TRHDE: variants seen among roughly 807,000 people sequenced by gnomAD.
TRHDE encodes thyrotropin releasing hormone degrading enzyme, also known as thyrotropin-releasing hormone-degrading ectoenzyme.
A neutral mutation model predicts 125.7 loss-of-function variants in TRHDE; 72 were observed. That is an observed-to-expected ratio of 0.57 (90% CI 0.47 to 0.70). The LOEUF (loss-of-function observed/expected upper bound fraction) is 0.70, where lower values mean the gene tolerates loss of function less well. Ranked by LOEUF, TRHDE falls within the 30% of genes least tolerant of loss-of-function variation. TRHDE has a pLI of 0.00. For missense variants in TRHDE, 1,110 were observed against 1,327.1 expected (o/e 0.84, Z 2.54); for synonymous variants, 509 against 509.1 (o/e 1.00, Z 0.00).
chr12:72,601,248 A>C (rs187853570), intron 12 of TRHDE, among the ~76,000 whole-genome samples: 82 of 152,254 alleles, frequency 5.4e-4, no homozygotes, highest in Admixed American at 1.3e-3. Context: ...TAGAAATAGC[A>C]AGAGAAATAG....
chr12:72,175,742 T>G (rs1876973302), intron 2 of TRHDE, among the ~76,000 whole-genome samples: 1 of 152,218 alleles, frequency 6.6e-6, no homozygotes, highest in Non-Finnish European at 1.5e-5. Flanking sequence ...AATGCAAATA[T>G]TACTAAGGTA....
At chr12:72,438,125 C>T (rs1874827755) in intron 3 of TRHDE, among the ~76,000 whole-genome samples, 1 of 151,672 alleles carries the variant, frequency 6.6e-6, no homozygotes, top group Admixed American at 6.6e-5. Flanking sequence ...TTTTATACGG[C>T]CGAATAGTAT....
At chr12:72,519,407 G>A (rs539643444) in intron 6 of TRHDE, among the ~76,000 whole-genome samples, 6 of 151,562 alleles carry the variant, frequency 4.0e-5, no homozygotes, top group Non-Finnish European at 7.4e-5. Context: ...ATCTTCCATC[G>A]CTGAACCCTT....
intron 4 of TRHDE, among the ~76,000 whole-genome samples, chr12:72,471,555 G>A (rs1243805614): frequency 2.0e-5 from 3 of 152,120 alleles, no homozygotes; most frequent in African/African-American, 7.2e-5. Context: ...CCAGAAGCTA[G>A]GAGAAACACT....
At chr12:72,506,020 C>A (rs190593254) in intron 6 of TRHDE, among the ~76,000 whole-genome samples, 1 of 152,142 alleles carries the variant, frequency 6.6e-6, no homozygotes, top group African/African-American at 2.4e-5. Flanking sequence ...GCAACCCAGC[C>A]GGGCATGATG....
At chr12:72,255,285 C>T (rs1484692058) in intron 2 of TRHDE, 2 of 152,352 alleles carry the variant, frequency 1.3e-5, no homozygotes, top group East Asian at 3.9e-4. Flanking sequence ...CCACAAGGAA[C>T]AGGAGTCTGA....
At chr12:72,329,267 G>A (rs1869474032) in intron 2 of TRHDE, among the ~76,000 whole-genome samples, 1 of 152,214 alleles carries the variant, frequency 6.6e-6, no homozygotes, top group South Asian at 2.1e-4. Context: ...TGAATAAACA[G>A]TAGTGGGTGA....
At chr12:72,222,912 C>T (rs1216910750) in intron 2 of TRHDE, among the ~76,000 whole-genome samples, 2 of 152,070 alleles carry the variant, frequency 1.3e-5, no homozygotes, top group Non-Finnish European at 2.9e-5. Context: ...TGCCATCTGA[C>T]CCCTTAAAAA....
chr12:72,133,647 TAG>T (rs1875916831), intron 2 of TRHDE, among the ~76,000 whole-genome samples: 1 of 151,514 alleles, frequency 6.6e-6, no homozygotes, highest in Admixed American at 6.6e-5. Flanking sequence ...ATGACTGATA[TAG>T]AGGTCCATCA....
intron 2 of TRHDE, among the ~76,000 whole-genome samples, chr12:72,235,192 C>T (rs1161526365): frequency 3.3e-5 from 5 of 152,150 alleles, no homozygotes; most frequent in Non-Finnish European, 4.4e-5. Context: ...AATATAGAAA[C>T]CATCATGTTC....
At chr12:72,128,829 T>A (rs922511891) in intron 2 of TRHDE, among the ~76,000 whole-genome samples, 6 of 152,112 alleles carry the variant, frequency 3.9e-5, no homozygotes, top group African/African-American at 1.2e-4. Flanking sequence ...AATTCGGGTC[T>A]CTAAAGTAAA....
intron 2 of TRHDE, among the ~76,000 whole-genome samples, chr12:72,126,184 A>C (rs189527862): frequency 6.6e-6 from 1 of 152,186 alleles, no homozygotes; most frequent in Non-Finnish European, 1.5e-5. Context: ...AAGGAAAACT[A>C]CAAAACACTG....
chr12:72,365,185 A>C (rs894570231), intron 2 of TRHDE, among the ~76,000 whole-genome samples: 4 of 152,128 alleles, frequency 2.6e-5, no homozygotes, highest in Non-Finnish European at 5.9e-5. Flanking sequence ...TGATGTTGAA[A>C]TAGATTTAAG....
At chr12:72,432,437 AC>A in intron 3 of TRHDE, among the ~76,000 whole-genome samples, 1 of 152,254 alleles carries the variant, frequency 6.6e-6, no homozygotes, top group South Asian at 2.1e-4. Flanking sequence ...ATATAAGTAA[AC>A]AACCTTGTTT....
chr12:72,116,422 T>C (rs1262979464), intron 2 of TRHDE, among the ~76,000 whole-genome samples: 2 of 152,192 alleles, frequency 1.3e-5, no homozygotes, highest in African/African-American at 4.8e-5. Context: ...TCTAGATACT[T>C]GAGGAATCAC....
intron 12 of TRHDE, among the ~76,000 whole-genome samples, chr12:72,603,490 C>T (rs1180675312): frequency 6.6e-6 from 1 of 152,052 alleles, no homozygotes; most frequent in Non-Finnish European, 1.5e-5. Flanking sequence ...CTTTGGGAGG[C>T]CTAGGCGGGC....
intron 5 of TRHDE, among the ~76,000 whole-genome samples, chr12:72,489,508 A>G (rs1177745028): frequency 6.6e-6 from 1 of 151,914 alleles, no homozygotes; most frequent in African/African-American, 2.4e-5. Context: ...TAAAATTTAT[A>G]TGGAAACATA....
chr12:72,190,520 A>C (rs1877316839), intron 2 of TRHDE, among the ~76,000 whole-genome samples: 1 of 152,210 alleles, frequency 6.6e-6, no homozygotes, highest in Non-Finnish European at 1.5e-5. Context: ...GAAGCTAAGG[A>C]ATTCAGGAAT....
intron 2 of TRHDE, among the ~76,000 whole-genome samples, chr12:72,216,004 C>G (rs944561426): frequency 6.6e-6 from 1 of 152,170 alleles, no homozygotes; most frequent in Admixed American, 6.5e-5. Context: ...GTCATCTCTT[C>G]TATTCTACTA....
Sources: allele counts gnomAD v4.1 joint callset (sites outside exome capture counted in the v4.1 genomes callset), GRCh38; gene constraint gnomAD v4.1.1; transcripts MANE v1.5; gene names NCBI Gene and HGNC (gene_info 2026-07-23, HGNC 2026-07-21).